The following ELFN2 variants were observed in gnomAD, a reference collection of about 807,000 sequenced individuals.
ELFN2 encodes protein phosphatase 1 regulatory subunit 29.
ELFN2 carries 17 observed loss-of-function variants against 45.5 expected under a neutral mutation model. The ratio of observed to expected loss-of-function variants is 0.37; its 90% confidence interval spans 0.26 to 0.56. ELFN2 has a LOEUF of 0.56. Among genes scored for constraint, ELFN2 ranks in the 20% least tolerant of loss-of-function variants. The probability of loss-of-function intolerance (pLI) is 0.77; values close to 1 mark genes in which losing one functional copy is unlikely to be tolerated. For synonymous variants in ELFN2, 550 were observed against 551.5 expected (o/e 1.00, Z 0.04); for missense variants, 922 against 1,183.2 (o/e 0.78, Z 3.24).
At chr22:37,404,587 C>T (rs1015881120) in intron 2 of ELFN2, among the ~76,000 whole-genome samples, 1 of 152,128 alleles carries the variant, frequency 6.6e-6, no homozygotes, top group African/African-American at 2.4e-5. Context: ...AGTGACCAGT[C>T]AGCAGGTGGC....
Position 37,373,325 on chromosome 22 carries a change from G to C in ELFN2, c.2210C>G (p.Ser737Cys). 6.2e-7 allele frequency: 1 copy of C among 1,613,686 alleles called. No individual in the cohort carries two copies. The highest frequency in any genetic ancestry group is 2.2e-5 in the East Asian group (1 of 44,880). ...RVSFLKPLTR[S>C]KRDSTYSQLS... ...CTGCGAGTAGGTGGAGTCACGCTTG[G>C]AGCGGGTCAGCGGCTTGAGGAAGGA... The change falls in exon 3 of 3, where the codon TCC becomes TGC. Residue 737 changes from serine (S) to cysteine (C), a missense_variant. This residue lies in a region of ELFN2 where 564 missense variants were observed against 642.8 expected (regional missense o/e 0.88). Coordinates refer to ENST00000402918, the MANE Select transcript of ELFN2 (RefSeq NM_052906.5).
chr22:37,374,640 T>C lies in ELFN2; in HGVS notation c.895A>G (p.Ile299Val), dbSNP rs951265006. The change falls in exon 3 of 3, where the codon ATC (isoleucine) becomes GTC (valine). Residue 299 changes from isoleucine to valine, a missense_variant. Physicochemically the swap from Ile to Val is conservative, Grantham distance 29. Around this residue, in one of 2 missense-constraint regions of ELFN2, gnomAD observed 358 missense variants for 540.4 expected, o/e 0.66. Transcript: ENST00000402918. ...GTGAACGTGACGTGGTGCAGCTTGATGGCTGGCCCTGCCGACGCATCCGTG... is the reference window on the plus strand; with the variant it reads ...GTGAACGTGACGTGGTGCAGCTTGACGGCTGGCCCTGCCGACGCATCCGTG... ...STTDASAGPA[I>V]KLHHVTFTSA... 2.5e-6 allele frequency: 4 copies of C among 1,613,578 alleles called. No individual in the cohort carries two copies. The highest frequency in any genetic ancestry group is 3.4e-6 in the Non-Finnish European group (4 of 1,179,640).
intron 2 of ELFN2, among the ~76,000 whole-genome samples, chr22:37,401,023 C>T (rs1042096860): frequency 6.6e-6 from 1 of 152,262 alleles, no homozygotes; most frequent in East Asian, 1.9e-4. Context: ...CCTCAACAGA[C>T]ATGGCACTGC....
chr22:37,387,032 G>A (rs896870887), intron 2 of ELFN2, among the ~76,000 whole-genome samples: 21 of 152,116 alleles, frequency 1.4e-4, no homozygotes, highest in African/African-American at 4.6e-4. Context: ...TGCAGGTATC[G>A]CTGTGAGGGT....
At position 37,373,034 on chromosome 22, in the gene ELFN2, C is replaced by G; in HGVS notation, c.*38G>C. On this transcript the variant is annotated 3_prime_UTR_variant, in exon 3 of 3. Coordinates refer to ENST00000402918, the MANE Select transcript of ELFN2 (RefSeq NM_052906.5). ...GACCCTTCCCCCAAAAGGCCCCCAGCCCTCTGGCTCCGACCTCACCAGGGA... is the reference window on the plus strand; with the variant it reads ...GACCCTTCCCCCAAAAGGCCCCCAGGCCTCTGGCTCCGACCTCACCAGGGA... 6.5e-7 allele frequency: 1 copy of G among 1,544,506 alleles called. No individual in the cohort carries two copies. The highest frequency in any genetic ancestry group is 8.7e-7 in the Non-Finnish European group (1 of 1,143,756).
intron 1 of ELFN2, chr22:37,418,918 G>A (rs541577913): frequency 3.9e-5 from 6 of 152,186 alleles, no homozygotes; most frequent in South Asian, 2.1e-4. Flanking sequence ...GGGCCTCGGC[G>A]GAACCTCGTC....
At chr22:37,395,863 G>A (rs928480263) in intron 2 of ELFN2, among the ~76,000 whole-genome samples, 5 of 152,180 alleles carry the variant, frequency 3.3e-5, no homozygotes, top group African/African-American at 4.8e-5. Context: ...CAGGGCTCAG[G>A]GGACAAGCAG....
At chr22:37,380,849 CCA>C (rs1265509227) in intron 2 of ELFN2, among the ~76,000 whole-genome samples, 1 of 152,180 alleles carries the variant, frequency 6.6e-6, no homozygotes, top group Non-Finnish European at 1.5e-5. Flanking sequence ...GGTCTGAACA[CCA>C]GTCTTTTCAC....
chr22:37,346,879 C>T (rs997699904), intron 1 of ELFN2, among the ~76,000 whole-genome samples: 11 of 152,164 alleles, frequency 7.2e-5, no homozygotes, highest in Middle Eastern at 3.2e-3. Flanking sequence ...GTCCCCTCAG[C>T]AGTGCAGAGA....
At chr22:37,380,416 G>A (rs1040708623) in intron 2 of ELFN2, among the ~76,000 whole-genome samples, 3 of 152,144 alleles carry the variant, frequency 2.0e-5, no homozygotes, top group Non-Finnish European at 2.9e-5. Context: ...AGACACACAC[G>A]CTCAGTCCAG....
Position 37,370,778 on chromosome 22 carries a change from C to T in ELFN2, c.*2294G>A, listed in dbSNP as rs2145630935. ...GAGCTGCTCGTCAGATCACAACAGA[C>T]AGAATGTGGGAAAGCAGGGCATCAG... On this transcript the variant is annotated 3_prime_UTR_variant, in exon 3 of 3. Coordinates refer to ENST00000402918, the MANE Select transcript of ELFN2 (RefSeq NM_052906.5). 6.6e-6 allele frequency: 1 copy of T among 152,646 alleles called. No homozygotes were observed. Among genetic ancestry groups the T allele is most frequent in the South Asian group, 2.1e-4 (1 of 4,816 alleles). 9.5% of individuals were successfully genotyped at this position (152,646 alleles called of 1,614,324 possible).
chr22:37,397,974 G>A (rs975180343), intron 2 of ELFN2, among the ~76,000 whole-genome samples: 4 of 152,206 alleles, frequency 2.6e-5, no homozygotes, highest in Non-Finnish European at 5.9e-5. Flanking sequence ...GTCCCTGGGG[G>A]TGCGAGGCTG....
At chr22:37,360,030 C>T (rs1056502271) in intron 1 of ELFN2, among the ~76,000 whole-genome samples, 9 of 152,146 alleles carry the variant, frequency 5.9e-5, no homozygotes, top group Non-Finnish European at 1.3e-4. Context: ...CAGTAACTTC[C>T]GGGTATTGCT....
At chr22:37,414,168 C>T (rs1487247691) in intron 2 of ELFN2, among the ~76,000 whole-genome samples, 1 of 150,684 alleles carries the variant, frequency 6.6e-6, no homozygotes, top group African/African-American at 2.4e-5. Flanking sequence ...GAGAACAAGA[C>T]AAAAAAAAAG....
intron 1 of ELFN2, among the ~76,000 whole-genome samples, chr22:37,422,945 G>T (rs865848409): frequency 2.8e-5 from 3 of 105,570 alleles, no homozygotes; most frequent in South Asian, 5.4e-4. Flanking sequence ...CTGGGCCTCG[G>T]GGGGGGGGGG....
chr22:37,423,061 G>A (rs1932822011), intron 1 of ELFN2, among the ~76,000 whole-genome samples: 1 of 152,026 alleles, frequency 6.6e-6, no homozygotes, highest in South Asian at 2.1e-4. Flanking sequence ...GAGTCCAGGG[G>A]GCCACAGCTG....
chr22:37,358,415 G>C (rs1016528499), intron 1 of ELFN2, among the ~76,000 whole-genome samples: 3 of 152,120 alleles, frequency 2.0e-5, no homozygotes, highest in African/African-American at 7.2e-5. Flanking sequence ...GGCGAGCCTC[G>C]GTCCACCGTT....
At chr22:37,355,751 G>A (rs563414678) in intron 1 of ELFN2, among the ~76,000 whole-genome samples, 29 of 152,294 alleles carry the variant, frequency 1.9e-4, no homozygotes, top group South Asian at 2.1e-4. Context: ...CACTCACACC[G>A]AGTGAACTCA....
In ELFN2 at chr22:37,375,188, C is replaced by T. The variant is rs1429335163; in HGVS notation, c.347G>A (p.Ser116Asn). The T allele has an allele frequency of 1.2e-6, 2 of 1,614,120 alleles. No homozygotes were observed. Among genetic ancestry groups the T allele is most frequent in the Non-Finnish European group, 1.7e-6 (2 of 1,180,036 alleles). The stretch of plus-strand genomic sequence containing the variant: ...TCGCAGCATGCCCTCCGTCAGGTTG[C>T]TGAGCTTGTTGTAGCCCAGCTGCAG... ...QVLQLGYNKL[S>N]NLTEGMLRGM... The change falls in exon 3 of 3, where the codon AGC (serine) becomes AAC (asparagine). Residue 116 changes from serine (S) to asparagine (N), a missense_variant. Ser to Asn is a conservative substitution (Grantham distance 46). This residue lies in a region of ELFN2 where 358 missense variants were observed against 540.4 expected (regional missense o/e 0.66). Transcript: ENST00000402918.
Sources: gnomAD v4.1 joint callset for allele counts (sites outside exome capture counted in the v4.1 genomes callset) on GRCh38, gnomAD v4.1.1 for gene constraint, gnomAD v4.1.1 regional missense constraint, MANE v1.5 for transcripts, NCBI Gene and HGNC (gene_info 2026-07-23, HGNC 2026-07-21) for gene names.